OSBPL10: variants seen among roughly 807,000 people sequenced by gnomAD.
OSBPL10 encodes oxysterol binding protein like 10.
OSBPL10 carries 49 observed loss-of-function variants against 81.7 expected under a neutral mutation model. The observed-to-expected ratio is 0.60, with a 90% confidence interval of 0.48 to 0.76. The LOEUF is 0.76. Ranked by LOEUF, OSBPL10 falls within the 30% of genes least tolerant of loss-of-function variation. The probability of loss-of-function intolerance (pLI) is 0.00; values close to 1 mark genes in which losing one functional copy is unlikely to be tolerated. For synonymous variants in OSBPL10, 419 were observed against 383.6 expected, an observed-to-expected ratio of 1.09 and a Z score of -1.08; for missense variants, 923 against 987.8, an observed-to-expected ratio of 0.93 and a Z score of 0.88.
intron 1 of OSBPL10, among the ~76,000 whole-genome samples, chr3:31,957,607 T>G (rs1008848835): frequency 6.6e-6 from 1 of 151,772 alleles, no homozygotes; most frequent in Non-Finnish European, 1.5e-5. Context: ...ATTCCTGGGG[T>G]TTTTTGTTGT....
chr3:31,692,054 G>A (rs758231488), intron 7 of OSBPL10, among the ~76,000 whole-genome samples: 3 of 152,148 alleles, frequency 2.0e-5, no homozygotes, highest in Non-Finnish European at 4.4e-5. Flanking sequence ...ATTTTTGTCA[G>A]ATGGGAAGAG....
chr3:32,042,412 C>T lies in OSBPL10; in HGVS notation n.298+4079G>A, dbSNP rs78007294. ...AGTGAAACAATGCCCTTCTCTATTT[C>T]GCTAGGTCAAAGTCTATTCATCCTT... On this transcript the variant is annotated intron_variant and non_coding_transcript_variant, in intron 2 of 3. Transcript: ENST00000479173. 8.1e-3 allele frequency among the ~76,000 whole-genome samples: 1,229 copies of T among 152,252 alleles called. 19 individuals are homozygous for T. The highest frequency in any genetic ancestry group is 0.028 in the African/African-American group (1,152 of 41,546).
Position 31,879,635 on chromosome 3 carries a change from T to C in OSBPL10, c.457+20A>G. ...AGCAACTAGAGGCCTGTCTGAAAAG[T>C]TACTGGGAGAAGAACGCACCTCTCA... On this transcript the variant is annotated intron_variant, in intron 2 of 11. Transcript: ENST00000396556. 1.3e-6 allele frequency: 2 copies of C among 1,594,096 alleles called. No homozygotes were observed. Among genetic ancestry groups the C allele is most frequent in the Non-Finnish European group, 1.7e-6 (2 of 1,172,586 alleles).
At chr3:31,736,069 A>C (rs1372080253) in intron 5 of OSBPL10, among the ~76,000 whole-genome samples, 1 of 152,210 alleles carries the variant, frequency 6.6e-6, no homozygotes, top group Admixed American at 6.5e-5. Context: ...AAAAACGGCC[A>C]AAAGAAAGAC....
At chr3:31,827,418 C>T (rs1364022286) in intron 4 of OSBPL10, among the ~76,000 whole-genome samples, 1 of 152,064 alleles carries the variant, frequency 6.6e-6, no homozygotes, top group African/African-American at 2.4e-5. Flanking sequence ...GGGCGGATCA[C>T]GAGGTCAGGA....
rs959547149 is a variant in OSBPL10, at chr3:31,661,940, TTCTCTC to T, written c.*126_*131del. On this transcript the variant is annotated 3_prime_UTR_variant, in exon 12 of 12. Coordinates refer to ENST00000396556, the MANE Select transcript of OSBPL10 (RefSeq NM_017784.5). ...GGGTGCACTTTTCATAGTATATAAT[TTCTCTC>T]TCTCTCATCATTTCTTGGATGCTAA... The T allele has an allele frequency of 1.1e-4, 148 of 1,315,970 alleles. 1 individual carries two copies. The highest frequency in any genetic ancestry group is 1.3e-4 in the Non-Finnish European group (127 of 955,868). The allele number at this position is 1,315,970 out of a possible 1,614,324, so 81.5% of individuals were successfully genotyped here.
intron 1 of OSBPL10, among the ~76,000 whole-genome samples, chr3:32,074,986 G>A (rs1178938062): frequency 6.7e-6 from 1 of 149,526 alleles, no homozygotes. Flanking sequence ...GAACAACTGC[G>A]GGTCCCCCTC....
intron 4 of OSBPL10, among the ~76,000 whole-genome samples, chr3:31,779,908 TATACAA>T (rs1299104360): frequency 6.6e-6 from 1 of 152,190 alleles, no homozygotes; most frequent in African/African-American, 2.4e-5. Flanking sequence ...CCCTCAAGAA[TATACAA>T]ATACATAGAA....
chr3:31,884,705 G>A (rs996335895), intron 1 of OSBPL10, among the ~76,000 whole-genome samples: 25 of 152,132 alleles, frequency 1.6e-4, no homozygotes, highest in African/African-American at 5.6e-4. Context: ...TAAACCAAGT[G>A]AAATTGTCAG....
chr3:31,791,527 A>C (rs949007410), intron 4 of OSBPL10, among the ~76,000 whole-genome samples: 1 of 152,190 alleles, frequency 6.6e-6, no homozygotes, highest in African/African-American at 2.4e-5. Flanking sequence ...TATGCCCCAG[A>C]GGTAGTTCAC....
intron 2 of OSBPL10, among the ~76,000 whole-genome samples, chr3:32,001,835 C>G (rs796915353): frequency 4.3e-4 from 65 of 152,246 alleles, no homozygotes; most frequent in African/African-American, 1.4e-3. Context: ...TGGCCCCACT[C>G]AATTGAAATA....
chr3:31,789,326 T>C (rs1299609539), intron 4 of OSBPL10, among the ~76,000 whole-genome samples: 1 of 152,186 alleles, frequency 6.6e-6, no homozygotes, highest in Non-Finnish European at 1.5e-5. Flanking sequence ...TGAAAGGCAC[T>C]CTAGGGTGGC....
rs185074291 is a variant in OSBPL10, at chr3:31,837,107, C to A, written c.538-6876G>T. On this transcript the variant is annotated intron_variant, in intron 3 of 11. Coordinates refer to ENST00000396556, the MANE Select transcript of OSBPL10 (RefSeq NM_017784.5). ...TTCAGCCCCTTCAGCTGGGCCTTCA[C>A]AATTAAATAAAGACCTCATCATCCA... Among the ~76,000 whole-genome samples, 382 of 152,060 alleles carry A rather than the reference C, an allele frequency of 2.5e-3. 1 individual carries two copies. The highest frequency in any genetic ancestry group is 9.0e-3 in the African/African-American group (374 of 41,504).
intron 1 of OSBPL10, among the ~76,000 whole-genome samples, chr3:31,939,020 T>G (rs1697460864): frequency 6.6e-6 from 1 of 152,124 alleles, no homozygotes; most frequent in Non-Finnish European, 1.5e-5. Context: ...CAGATCAACA[T>G]GCATCCCAGC....
rs187782653 is a variant in OSBPL10 at position 31,939,389 on chromosome 3, C to T, written c.281+41510G>A. ...CAAACTCCTGACCTTGTGACCTACC[C>T]GCCCTAGCTTCCCAAAGTGCTGGGA... On this transcript the variant is annotated intron_variant, in intron 1 of 11. Coordinates refer to ENST00000396556, the MANE Select transcript of OSBPL10 (RefSeq NM_017784.5). 2.1e-3 allele frequency among the ~76,000 whole-genome samples: 320 copies of T among 151,868 alleles called. 1 individual carries two copies. The highest frequency in any genetic ancestry group is 7.5e-3 in the South Asian group (36 of 4,804).
intron 2 of OSBPL10, chr3:31,990,053 G>T: frequency 1.9e-6 from 3 of 1,613,878 alleles, no homozygotes; most frequent in Non-Finnish European, 1.7e-6. Context: ...GTTTTTAGTC[G>T]CAAATCAAAT....
chr3:32,003,646 T>C (rs1385298024), intron 2 of OSBPL10, among the ~76,000 whole-genome samples: 1 of 152,214 alleles, frequency 6.6e-6, no homozygotes, highest in Non-Finnish European at 1.5e-5. Context: ...GATAATCCTC[T>C]TTCTCGTCTC....
At chr3:31,674,260 C>CA (rs1700397884) in intron 8 of OSBPL10, among the ~76,000 whole-genome samples, 1 of 151,984 alleles carries the variant, frequency 6.6e-6, no homozygotes, top group African/African-American at 2.4e-5. Context: ...AGCTAGTTGT[C>CA]AAAAAGAGGC....
intron 1 of OSBPL10, among the ~76,000 whole-genome samples, chr3:31,950,006 T>C (rs1463274969): frequency 6.6e-6 from 1 of 152,088 alleles, no homozygotes; most frequent in African/African-American, 2.4e-5. Context: ...TAGGTCTCGG[T>C]GGAAATCCTA....
Sources: allele counts gnomAD v4.1 joint callset (sites outside exome capture counted in the v4.1 genomes callset), GRCh38; gene constraint gnomAD v4.1.1; transcripts MANE v1.5; gene names NCBI Gene and HGNC (gene_info 2026-07-23, HGNC 2026-07-21).